The following CATSPERB variants were observed in gnomAD, a reference collection of about 807,000 sequenced individuals.
CATSPERB encodes cation channel sperm-associated auxiliary subunit beta.
Under a neutral mutation model 128.3 loss-of-function variants are expected in CATSPERB, and 93 were observed. The observed-to-expected ratio is 0.72, with a 90% CI of 0.61 to 0.86. CATSPERB has a LOEUF of 0.86. Ranked by LOEUF, CATSPERB falls within the 40% of genes least tolerant of loss-of-function variation. CATSPERB has a pLI of 0.00. For missense variants in CATSPERB, 1,153 were observed against 1,329.5 expected (o/e 0.87, Z 2.06); for synonymous variants, 381 against 448.8 (o/e 0.85, Z 1.91).
In CATSPERB at chr14:91,644,306, C is replaced by T. The variant is rs375559326; in HGVS notation, c.1433-5056G>A. On this transcript the variant is annotated intron_variant, in intron 15 of 26. Transcript: ENST00000256343. ...AGTTGATGCAGTTTCTTCCTAGTCT[C>T]GATGGTCTTTACATTTTGGCATGAT... Among the ~76,000 whole-genome samples the T allele has an allele frequency of 1.7e-4, 22 of 128,920 alleles. 1 individual carries two copies. The highest frequency in any genetic ancestry group is 1.7e-3 in the Admixed American group (22 of 13,170). The allele number at this position is 128,920 out of a possible 152,430, so 84.6% of individuals were successfully genotyped here. A position where few individuals can be genotyped will look rare whatever the true frequency, so the allele number is the denominator to read the frequency against.
At chr14:91,597,936 T>G (rs1049935087) in intron 22 of CATSPERB, among the ~76,000 whole-genome samples, 1 of 151,812 alleles carries the variant, frequency 6.6e-6, no homozygotes, top group African/African-American at 2.4e-5. Context: ...TTTTTTTCCC[T>G]AAGCAAACCA....
Position 91,639,226 on chromosome 14 carries a change from C to A in CATSPERB, c.1457G>T (p.Gly486Val), listed in dbSNP as rs1894441856. Residue 486 changes from glycine to valine, a missense_variant, in exon 16 of 27, where the codon GGA (glycine) becomes GTA (valine). Transcript: ENST00000256343. ...KAGMGRYSAV[G>V]SVTERIFTLY... ...TGTGAAAATTCTCTCAGTAACACTT[C>A]CGACTGCACTGTATCTTCCCATTCC... 6.2e-7 allele frequency: 1 copy of A among 1,613,640 alleles called. No homozygotes were observed. Among genetic ancestry groups the A allele is most frequent in the East Asian group, 2.2e-5 (1 of 44,866 alleles).
At chr14:91,681,741 C>T (rs1321213120) in intron 11 of CATSPERB, among the ~76,000 whole-genome samples, 1 of 152,098 alleles carries the variant, frequency 6.6e-6, no homozygotes, top group Non-Finnish European at 1.5e-5. Context: ...AAACAAGGAC[C>T]TGACTGGCAG....
intron 20 of CATSPERB, among the ~76,000 whole-genome samples, chr14:91,617,379 T>C (rs575759769): frequency 2.0e-5 from 3 of 152,316 alleles, no homozygotes; most frequent in Admixed American, 2.0e-4. Flanking sequence ...TTGATAAATA[T>C]ATAAGTAATT....
intron 12 of CATSPERB, 52 bp from the exon 13 acceptor site, chr14:91,673,068 A>T: frequency 1.4e-6 from 2 of 1,461,928 alleles, no homozygotes; most frequent in Non-Finnish European, 1.8e-6. Context: ...TATAAGTTCT[A>T]ATTCTCTTAG....
intron 15 of CATSPERB, among the ~76,000 whole-genome samples, chr14:91,648,988 CT>C (rs35103012): frequency 0.024 from 3,476 of 144,458 alleles, 120 homozygotes; most frequent in African/African-American, 0.079. Flanking sequence ...ACCTATCTTG[CT>C]TTTTTTTTTT....
chr14:91,604,291 A>G (rs1265038722), intron 22 of CATSPERB: 1 of 699,846 alleles, frequency 1.4e-6, no homozygotes. Context: ...AATGGAAACC[A>G]GAACATGTGG....
intron 11 of CATSPERB, among the ~76,000 whole-genome samples, chr14:91,677,327 T>C (rs1227438405): frequency 6.6e-6 from 1 of 150,768 alleles, no homozygotes; most frequent in Non-Finnish European, 1.5e-5. Context: ...TACCCAAGAA[T>C]CTACAAAGAA....
intron 22 of CATSPERB, among the ~76,000 whole-genome samples, chr14:91,599,880 A>T (rs368765267): frequency 5.2e-4 from 79 of 152,330 alleles, no homozygotes; most frequent in African/African-American, 1.7e-3. Context: ...TATCTCAGTG[A>T]GCAAAGGAGT....
chr14:91,707,169 C>A (rs1411889882), intron 6 of CATSPERB, among the ~76,000 whole-genome samples: 3 of 152,214 alleles, frequency 2.0e-5, no homozygotes, highest in African/African-American at 7.2e-5. Flanking sequence ...ACCACTCTGT[C>A]ATTTACTATG....
intron 15 of CATSPERB, among the ~76,000 whole-genome samples, chr14:91,648,186 GC>G (rs1313667717): frequency 3.3e-5 from 5 of 152,068 alleles, no homozygotes; most frequent in African/African-American, 9.7e-5. Flanking sequence ...TTTTAAAATA[GC>G]CTCTTATCAA....
chr14:91,616,262 C>G (rs1271381714), intron 20 of CATSPERB, among the ~76,000 whole-genome samples: 1 of 152,132 alleles, frequency 6.6e-6, no homozygotes. Context: ...CACATTCTCA[C>G]CAAAACTTAT....
intron 4 of CATSPERB, among the ~76,000 whole-genome samples, chr14:91,720,279 C>T (rs1896008282): frequency 6.6e-6 from 1 of 151,296 alleles, no homozygotes; most frequent in South Asian, 2.1e-4. Context: ...ATTCAAAATG[C>T]TGAAATAAAG....
chr14:91,664,033 G>A (rs905147510), intron 14 of CATSPERB, among the ~76,000 whole-genome samples: 1 of 152,072 alleles, frequency 6.6e-6, no homozygotes, highest in Non-Finnish European at 1.5e-5. Context: ...GTAATGGCAT[G>A]TATCCACCAT....
At chr14:91,701,715 T>C (rs1566735523) in intron 7 of CATSPERB, among the ~76,000 whole-genome samples, 1 of 151,942 alleles carries the variant, frequency 6.6e-6, no homozygotes, top group African/African-American at 2.4e-5. Context: ...ATTAACTCCA[T>C]GTGGTATGAA....
chr14:91,663,624 G>A (rs1327463444), intron 14 of CATSPERB, among the ~76,000 whole-genome samples: 1 of 118,368 alleles, frequency 8.4e-6, no homozygotes, highest in East Asian at 2.4e-4. Flanking sequence ...CAGCCTGGGC[G>A]ACAAAGTGAG....
At chr14:91,700,740 A>G (rs1203272028) in intron 7 of CATSPERB, among the ~76,000 whole-genome samples, 1 of 152,132 alleles carries the variant, frequency 6.6e-6, no homozygotes. Context: ...AAAACCAAAT[A>G]CCATATGTTC....
At chr14:91,705,465 G>T (rs1181911065) in intron 6 of CATSPERB, among the ~76,000 whole-genome samples, 3 of 152,020 alleles carry the variant, frequency 2.0e-5, no homozygotes, top group Non-Finnish European at 1.5e-5. Flanking sequence ...AGCAATCAGA[G>T]GTGAAGCATC....
At chr14:91,694,704 C>T (rs975017273) in intron 7 of CATSPERB, among the ~76,000 whole-genome samples, 41 of 152,228 alleles carry the variant, frequency 2.7e-4, no homozygotes, top group African/African-American at 9.6e-4. Flanking sequence ...ACAGAGAAAA[C>T]TTTTGCTAAA....
Sources: gnomAD v4.1 joint callset for allele counts (sites outside exome capture counted in the v4.1 genomes callset) on GRCh38, gnomAD v4.1.1 for gene constraint, MANE v1.5 for transcripts, NCBI Gene and HGNC (gene_info 2026-07-23, HGNC 2026-07-21) for gene names.